Variants in PRLR observed in about 807,000 individuals in gnomAD.
PRLR encodes prolactin receptor.
PRLR carries 13 observed loss-of-function variants against 40.2 expected under a neutral mutation model. The ratio of observed to expected loss-of-function variants is 0.32; its 90% confidence interval spans 0.21 to 0.51. PRLR has a LOEUF of 0.51. PRLR is among the 20% of genes least tolerant of loss of function. PRLR has a pLI of 0.97. For missense variants in PRLR, 656 were observed against 747.3 expected, an observed-to-expected ratio of 0.88 and a Z score of 1.42; for synonymous variants, 269 against 278.7, an observed-to-expected ratio of 0.97 and a Z score of 0.35.
At chr5:35,085,498 C>T (rs37387) in intron 4 of PRLR, among the ~76,000 whole-genome samples, 29,677 of 152,054 alleles carry the variant, frequency 0.2, 4,067 homozygotes, top group African/African-American at 0.39. Flanking sequence ...CTGGTTTAGC[C>T]CTCATTTCAA....
In PRLR at chr5:35,065,931, G is replaced by C. The variant is rs1402895285; in HGVS notation, c.1027C>G (p.Leu343Val). 7 of 1,614,160 alleles carry C rather than the reference G, an allele frequency of 4.3e-6. No homozygotes were observed. The highest frequency in any genetic ancestry group is 5.9e-6 in the Non-Finnish European group (7 of 1,180,030). ...CGGCCTGAGTCAGTGTCAGGATCCA[G>C]GTATGTGGGTTTCATACCTTGACTT... ...HPSQGMKPTY[L>V]DPDTDSGRGS... The change falls in exon 10 of 10, where the codon CTG becomes GTG. Residue 343 changes from leucine (L) to valine (V), a missense_variant. Leu to Val is a conservative substitution (Grantham distance 32, BLOSUM62 1). Transcript: ENST00000618457.
intron 1 of PRLR, among the ~76,000 whole-genome samples, chr5:35,176,762 G>A (rs1396703036): frequency 2.6e-5 from 4 of 151,566 alleles, no homozygotes; most frequent in Non-Finnish European, 4.4e-5. Context: ...ATACGGCCTC[G>A]TGGGAAGGGA....
intron 1 of PRLR, among the ~76,000 whole-genome samples, chr5:35,176,035 T>C (rs2111961578): frequency 6.6e-6 from 1 of 152,336 alleles, no homozygotes; most frequent in Non-Finnish European, 1.5e-5. Context: ...CATGTGTGTA[T>C]ATTAGATGTA....
At chr5:35,150,006 G>A (rs566056325) in intron 1 of PRLR, among the ~76,000 whole-genome samples, 5 of 152,198 alleles carry the variant, frequency 3.3e-5, no homozygotes, top group African/African-American at 7.2e-5. Context: ...GAGCCAGTGC[G>A]CCTGAGTAGC....
At chr5:35,176,088 G>C (rs1013591491) in intron 1 of PRLR, among the ~76,000 whole-genome samples, 1 of 152,142 alleles carries the variant, frequency 6.6e-6, no homozygotes, top group Non-Finnish European at 1.5e-5. Flanking sequence ...CAGCCCCCAT[G>C]TTTATCTGCC....
intron 1 of PRLR, among the ~76,000 whole-genome samples, chr5:35,153,566 T>C (rs368415073): frequency 5.3e-5 from 8 of 152,264 alleles, no homozygotes; most frequent in Non-Finnish European, 1.0e-4. Context: ...AACAAGCAAA[T>C]AGAGGAAGTG....
chr5:35,163,296 G>C (rs543738123), intron 1 of PRLR, among the ~76,000 whole-genome samples: 1 of 152,086 alleles, frequency 6.6e-6, no homozygotes, highest in African/African-American at 2.4e-5. Flanking sequence ...CTGGCTCTTC[G>C]CTGAACTAAG....
At chr5:35,180,581 T>C (rs1372678438) in intron 1 of PRLR, among the ~76,000 whole-genome samples, 2 of 151,862 alleles carry the variant, frequency 1.3e-5, no homozygotes, top group Non-Finnish European at 2.9e-5. Context: ...TTCTTTTCTT[T>C]TCCCCCCTTT....
intron 6 of PRLR, among the ~76,000 whole-genome samples, chr5:35,071,959 G>A (rs1342491834): frequency 2.0e-5 from 3 of 150,706 alleles, no homozygotes; most frequent in African/African-American, 4.9e-5. Flanking sequence ...GCAATGGCGC[G>A]ATTTCAGCTC....
At chr5:35,099,981 C>T (rs962182392) in intron 2 of PRLR, among the ~76,000 whole-genome samples, 2 of 151,710 alleles carry the variant, frequency 1.3e-5, no homozygotes, top group African/African-American at 4.8e-5. Flanking sequence ...TTGAGACTAG[C>T]CTGGCCAACA....
intron 1 of PRLR, among the ~76,000 whole-genome samples, chr5:35,198,930 C>T (rs907527954): frequency 4.6e-5 from 7 of 152,148 alleles, no homozygotes; most frequent in Admixed American, 1.3e-4. Flanking sequence ...ATCTGCTCTC[C>T]GTGAAGCCTT....
chr5:35,092,242 A>G (rs1771258801), intron 2 of PRLR, among the ~76,000 whole-genome samples: 1 of 152,144 alleles, frequency 6.6e-6, no homozygotes, highest in African/African-American at 2.4e-5. Context: ...AGTTACTATT[A>G]TGCACTTTCT....
At chr5:35,217,561 T>C (rs1279559886) in intron 1 of PRLR, among the ~76,000 whole-genome samples, 2 of 152,170 alleles carry the variant, frequency 1.3e-5, no homozygotes, top group Non-Finnish European at 2.9e-5. Flanking sequence ...CACACAGTCA[T>C]AGCATCTTGC....
In PRLR at chr5:35,066,850, G is replaced by A. The variant is rs373799132; in HGVS notation, c.856-748C>T. On this transcript the variant is annotated intron_variant, in intron 9 of 9. Transcript: ENST00000618457. ...ATGATCTCGGATCACTGCAAGCTCC[G>A]CCTCCCGGGTTCACGCCATTCTCCT... Among the ~76,000 whole-genome samples, 410 of 140,972 alleles carry A rather than the reference G, an allele frequency of 2.9e-3. 3 individuals carry two copies. Among genetic ancestry groups the A allele is most frequent in the African/African-American group, 0.011 (392 of 37,042 alleles). The allele number at this position is 140,972 out of a possible 152,430, so 92.5% of individuals were successfully genotyped here. A position where few individuals can be genotyped will look rare whatever the true frequency, so the allele number is the denominator to read the frequency against.
chr5:35,160,688 T>A (rs114910558), intron 1 of PRLR, among the ~76,000 whole-genome samples: 2,928 of 152,324 alleles, frequency 0.019, 41 homozygotes, highest in Admixed American at 0.028. Context: ...GTTTTTTGCA[T>A]GTCTGACATG....
chr5:35,078,267 C>T (rs1439716427), intron 5 of PRLR, among the ~76,000 whole-genome samples: 6 of 151,696 alleles, frequency 4.0e-5, no homozygotes, highest in Admixed American at 6.6e-5. Context: ...AATCCAGGAG[C>T]GGTTTTTTGA....
intron 1 of PRLR, among the ~76,000 whole-genome samples, chr5:35,136,353 G>A (rs1773858425): frequency 6.6e-6 from 1 of 152,198 alleles, no homozygotes; most frequent in Non-Finnish European, 1.5e-5. Flanking sequence ...CTCAGCCTCA[G>A]CACTGTGGAC....
Position 35,191,070 on chromosome 5 carries a change from T to C in PRLR, c.-106+39198A>G, listed in dbSNP as rs1329454837. Among the ~76,000 whole-genome samples the C allele has an allele frequency of 2.5e-4, 11 of 44,774 alleles. 1 individual carries two copies. The highest frequency in any genetic ancestry group is 8.1e-4 in the African/African-American group (9 of 11,176). The allele number at this position is 44,774 out of a possible 152,430, so 29.4% of individuals were successfully genotyped here. ...TTTCTTTTTTTTTTTTTTTTTTTTTTTTTTTTTTTTTTTTTTTTGAGACGG... is the reference window on the plus strand; with the variant it reads ...TTTCTTTTTTTTTTTTTTTTTTTTTCTTTTTTTTTTTTTTTTTTGAGACGG... On this transcript the variant is annotated intron_variant, in intron 1 of 9. Coordinates refer to ENST00000618457, the MANE Select transcript of PRLR (RefSeq NM_000949.7).
At chr5:35,224,879 C>G (rs961669101) in intron 1 of PRLR, among the ~76,000 whole-genome samples, 8 of 151,448 alleles carry the variant, frequency 5.3e-5, no homozygotes, top group Non-Finnish European at 4.4e-5. Flanking sequence ...AAAATTATAT[C>G]TTTATTTCAT....
Sources: allele counts gnomAD v4.1 joint callset (sites outside exome capture counted in the v4.1 genomes callset), GRCh38; gene constraint gnomAD v4.1.1; transcripts MANE v1.5; gene names NCBI Gene and HGNC (gene_info 2026-07-23, HGNC 2026-07-21).